The following SSPN variants were observed in gnomAD, a reference collection of about 807,000 sequenced individuals.
SSPN encodes the protein K-ras oncogene-associated protein.
Under a neutral mutation model 19.1 loss-of-function variants are expected in SSPN, and 15 were observed. That is an observed-to-expected ratio of 0.78 (90% CI 0.52 to 1.21). The LOEUF (loss-of-function observed/expected upper bound fraction) is 1.21, where lower values mean the gene tolerates loss of function less well. Ranked by LOEUF, SSPN falls within the 50% of genes most tolerant of loss-of-function variation. The pLI is 0.00. For synonymous variants in SSPN, 147 were observed against 140.3 expected, an observed-to-expected ratio of 1.05 and a Z score of -0.34; for missense variants, 291 against 314.0, an observed-to-expected ratio of 0.93 and a Z score of 0.55.
At chr12:26,135,425 A>G (rs1247434031) in intron 1 of SSPN, among the ~76,000 whole-genome samples, 1 of 152,164 alleles carries the variant, frequency 6.6e-6, no homozygotes, top group Non-Finnish European at 1.5e-5. Context: ...GCTGGTAGGC[A>G]CAGAGGAGGC....
chr12:26,204,408 G>T (rs1266309901), intron 1 of SSPN, among the ~76,000 whole-genome samples: 1 of 152,154 alleles, frequency 6.6e-6, no homozygotes, highest in African/African-American at 2.4e-5. Flanking sequence ...TTCCTTTGCT[G>T]CATTAACTCT....
At chr12:26,224,017 A>G (rs1945150620) in intron 1 of SSPN, among the ~76,000 whole-genome samples, 1 of 152,248 alleles carries the variant, frequency 6.6e-6, no homozygotes, top group Admixed American at 6.5e-5. Flanking sequence ...ACACTGAGTA[A>G]ACTTTATTCA....
intron 1 of SSPN, among the ~76,000 whole-genome samples, chr12:26,127,429 T>G (rs1486068839): frequency 1.3e-5 from 2 of 152,202 alleles, no homozygotes; most frequent in Admixed American, 6.5e-5. Context: ...TTTTCTGTTA[T>G]CTCTTTGAGG....
intron 1 of SSPN, among the ~76,000 whole-genome samples, chr12:26,161,925 C>G (rs1188585752): frequency 1.3e-5 from 2 of 152,248 alleles, no homozygotes; most frequent in Non-Finnish European, 2.9e-5. Flanking sequence ...ACCAGCCGCT[C>G]ACCCCATGCT....
intron 1 of SSPN, among the ~76,000 whole-genome samples, chr12:26,179,356 C>T (rs1456143863): frequency 1.3e-5 from 2 of 152,158 alleles, no homozygotes; most frequent in African/African-American, 4.8e-5. Flanking sequence ...TGAGACTGAG[C>T]TTGTCACCCG....
chr12:26,203,597 G>A (rs1017802711), intron 1 of SSPN, among the ~76,000 whole-genome samples: 3 of 152,206 alleles, frequency 2.0e-5, no homozygotes, highest in Admixed American at 6.5e-5. Flanking sequence ...AGATGCCTGA[G>A]TGAAGCAGCT....
intron 1 of SSPN, among the ~76,000 whole-genome samples, chr12:26,126,978 G>A (rs574764711): frequency 1.2e-4 from 18 of 152,250 alleles, no homozygotes; most frequent in African/African-American, 4.1e-4. Context: ...GATGGGGAGG[G>A]CACGTTGGAG....
At chr12:26,142,731 A>G (rs1408562665) in intron 1 of SSPN, among the ~76,000 whole-genome samples, 1 of 152,212 alleles carries the variant, frequency 6.6e-6, no homozygotes, top group Admixed American at 6.5e-5. Flanking sequence ...AAGTGGGTTG[A>G]GGATGGAATC....
At chr12:26,130,917 TCCACC>T in intron 1 of SSPN, among the ~76,000 whole-genome samples, 1 of 150,562 alleles carries the variant, frequency 6.6e-6, no homozygotes, top group Non-Finnish European at 1.5e-5. Context: ...TTTTGCAAGC[TCCACC>T]CATCTCATTG....
At chr12:26,163,226 G>A (rs564553771) in intron 1 of SSPN, among the ~76,000 whole-genome samples, 1 of 152,200 alleles carries the variant, frequency 6.6e-6, no homozygotes, top group Admixed American at 6.5e-5. Flanking sequence ...AGTTAAATGT[G>A]GCGTGGGGAG....
intron 2 of SSPN, among the ~76,000 whole-genome samples, chr12:26,226,218 C>T (rs1281956472): frequency 1.3e-5 from 2 of 152,152 alleles, no homozygotes; most frequent in African/African-American, 4.8e-5. Context: ...TCCAGATTTT[C>T]CAATGACACA....
intron 1 of SSPN, among the ~76,000 whole-genome samples, chr12:26,185,038 A>T (rs1944743888): frequency 6.6e-6 from 1 of 152,202 alleles, no homozygotes; most frequent in South Asian, 2.1e-4. Flanking sequence ...GTACACTAAG[A>T]TTAAATTATT....
At chr12:26,169,272 G>T (rs186994005) in intron 1 of SSPN, among the ~76,000 whole-genome samples, 44 of 151,796 alleles carry the variant, frequency 2.9e-4, no homozygotes, top group Non-Finnish European at 5.6e-4. Context: ...AATTAATGTT[G>T]TCCATACAAA....
At chr12:26,123,245 C>T (rs539878885) in intron 1 of SSPN, 14 of 1,478,758 alleles carry the variant, frequency 9.5e-6, no homozygotes, top group Non-Finnish European at 1.3e-5. Flanking sequence ...AAAACATCTG[C>T]TTATCACGTG....
At chr12:26,122,391 T>A (rs1436802426) in intron 1 of SSPN, 1 of 1,252,366 alleles carries the variant, frequency 8.0e-7, no homozygotes, top group Non-Finnish European at 1.0e-6. Context: ...CGGGTACAGA[T>A]ACTTCTCCAG....
chr12:26,137,638 A>ATG lies in SSPN; in HGVS notation c.-31+15487_-31+15488insGT, dbSNP rs1323758064. 3.3e-3 allele frequency among the ~76,000 whole-genome samples: 81 copies of ATG among 24,522 alleles called. 2 individuals are homozygous for ATG. Among genetic ancestry groups the ATG allele is most frequent in the African/African-American group, 8.3e-3 (60 of 7,186 alleles). 16.1% of individuals were successfully genotyped at this position (24,522 alleles called of 152,430 possible). A position where few individuals can be genotyped will look rare whatever the true frequency, so the allele number is the denominator to read the frequency against. On this transcript the variant is annotated intron_variant, in intron 1 of 2. Transcript: ENST00000538142. ...TATATATGTGTGTGTGTGTGTATGT[A>ATG]TATATATATATATATATATTTTTTT...
At chr12:26,187,344 T>C (rs1944760464) in intron 1 of SSPN, among the ~76,000 whole-genome samples, 1 of 152,222 alleles carries the variant, frequency 6.6e-6, no homozygotes, top group Non-Finnish European at 1.5e-5. Flanking sequence ...CAATACACCA[T>C]GTGTGAGATT....
intron 1 of SSPN, chr12:26,124,220 G>T (rs771218727): frequency 2.3e-6 from 3 of 1,329,566 alleles, no homozygotes; most frequent in Admixed American, 1.7e-5. Context: ...AACAGTAAGC[G>T]AAACATTCAC....
chr12:26,201,036 T>TATATATA (rs1944877953), intron 1 of SSPN, among the ~76,000 whole-genome samples: 1 of 61,142 alleles, frequency 1.6e-5, no homozygotes, highest in African/African-American at 6.2e-5. Context: ...TATATATATA[T>TATATATA]ATATATATAT....
Sources: allele counts gnomAD v4.1 joint callset (sites outside exome capture counted in the v4.1 genomes callset), GRCh38; gene constraint gnomAD v4.1.1; transcripts MANE v1.5; gene names NCBI Gene and HGNC (gene_info 2026-07-23, HGNC 2026-07-21).